The following TRAPPC9 variants were observed in gnomAD, a reference collection of about 807,000 sequenced individuals.
TRAPPC9 encodes the protein trafficking protein particle complex subunit 9, also known as IKK2 binding protein.
A neutral mutation model predicts 124.0 loss-of-function variants in TRAPPC9; 83 were observed. That is an observed-to-expected ratio of 0.67 (90% CI 0.56 to 0.80). The LOEUF (loss-of-function observed/expected upper bound fraction) is 0.80. Among genes scored for constraint, TRAPPC9 ranks in the 30% least tolerant of loss-of-function variants. The pLI is 0.00. For missense variants in TRAPPC9, 1,302 were observed against 1,508.3 expected, an observed-to-expected ratio of 0.86 and a Z score of 2.27; for synonymous variants, 638 against 617.5, an observed-to-expected ratio of 1.03 and a Z score of -0.49.
intron 4 of TRAPPC9, among the ~76,000 whole-genome samples, chr8:140,430,146 C>CAA (rs765983225): frequency 3.0e-5 from 3 of 100,426 alleles, no homozygotes; most frequent in African/African-American, 3.6e-5. Context: ...GACTCCATCC[C>CAA]AAAAAAAAAA....
At chr8:140,340,027 T>C (rs1368818820) in intron 9 of TRAPPC9, among the ~76,000 whole-genome samples, 1 of 152,122 alleles carries the variant, frequency 6.6e-6, no homozygotes, top group Non-Finnish European at 1.5e-5. Context: ...TTGTATTTCA[T>C]AGAGATAGGG....
intron 21 of TRAPPC9, among the ~76,000 whole-genome samples, chr8:139,835,412 C>T (rs969223126): frequency 7.2e-5 from 11 of 152,260 alleles, no homozygotes; most frequent in South Asian, 2.1e-4. Context: ...TCCTCGCCGC[C>T]GTCCAGCCTT....
At position 139,910,249 on chromosome 8, in the gene TRAPPC9, A is replaced by C. The variant is rs760691774; in HGVS notation, c.2862T>G (p.Pro954=). ...KFNFESFPES[P]GEKGQFANPK... ...GGTTTGCAAATTGCCCCTTCTCCCC[A>C]GGGGACTCCGGGAAACTCTCAAAGT... is the stretch of plus-strand genomic sequence containing the variant. The change falls in exon 20 of 23, where the codon CCT becomes CCG. Residue 954 remains proline (P), a synonymous_variant. Coordinates refer to ENST00000438773, the MANE Select transcript of TRAPPC9 (RefSeq NM_001160372.4). The C allele has an allele frequency of 6.2e-7, 1 of 1,614,118 alleles. No individual in the cohort carries two copies. Among genetic ancestry groups the C allele is most frequent in the South Asian group, 1.1e-5 (1 of 91,070 alleles).
intron 21 of TRAPPC9, among the ~76,000 whole-genome samples, chr8:139,738,996 C>G (rs76124046): frequency 0.01 from 1,554 of 152,320 alleles, 28 homozygotes; most frequent in African/African-American, 0.035. Flanking sequence ...CTGCCCGCCC[C>G]CAGCTTCTGA....
At chr8:140,283,152 C>T (rs186776689) in intron 14 of TRAPPC9, among the ~76,000 whole-genome samples, 1,745 of 151,704 alleles carry the variant, frequency 0.012, 14 homozygotes, top group Non-Finnish European at 0.017. Flanking sequence ...GTGGGAGGAT[C>T]GCTTGAACCT....
chr8:140,243,373 C>A (rs776756309), intron 16 of TRAPPC9, among the ~76,000 whole-genome samples: 10 of 152,138 alleles, frequency 6.6e-5, no homozygotes, highest in Non-Finnish European at 1.0e-4. Context: ...TGCCTGATGG[C>A]CTCTGTGGAT....
At chr8:140,173,309 C>T (rs1203524169) in intron 17 of TRAPPC9, among the ~76,000 whole-genome samples, 2 of 152,138 alleles carry the variant, frequency 1.3e-5, no homozygotes, top group East Asian at 3.9e-4. Context: ...AATCCCAACA[C>T]TTTGGGAGGC....
intron 11 of TRAPPC9, among the ~76,000 whole-genome samples, chr8:140,293,398 A>G (rs558761734): frequency 1.3e-5 from 2 of 152,144 alleles, no homozygotes; most frequent in East Asian, 3.9e-4. Flanking sequence ...TCATGCTGCT[A>G]TAAAGACACA....
intron 17 of TRAPPC9, among the ~76,000 whole-genome samples, chr8:140,112,682 G>A (rs752560380): frequency 2.0e-5 from 3 of 152,156 alleles, no homozygotes; most frequent in Non-Finnish European, 4.4e-5. Context: ...ATAACATCCT[G>A]TCAGATAGAA....
chr8:140,362,308 T>C (rs567453387), intron 8 of TRAPPC9, among the ~76,000 whole-genome samples: 1 of 152,268 alleles, frequency 6.6e-6, no homozygotes, highest in South Asian at 2.1e-4. Flanking sequence ...CATACAGCTA[T>C]GAAGGAGTAC....
intron 9 of TRAPPC9, among the ~76,000 whole-genome samples, chr8:140,355,595 A>G (rs1441032478): frequency 6.6e-6 from 1 of 152,244 alleles, no homozygotes; most frequent in Non-Finnish European, 1.5e-5. Flanking sequence ...AACTATCCTC[A>G]GGATTCCAGC....
At chr8:140,001,952 C>T (rs1389146151) in intron 18 of TRAPPC9, among the ~76,000 whole-genome samples, 1 of 152,276 alleles carries the variant, frequency 6.6e-6, no homozygotes, top group Admixed American at 6.5e-5. Context: ...ATAAATTAAA[C>T]ATATTGTTTT....
At chr8:139,748,668 T>A (rs1319388368) in intron 21 of TRAPPC9, among the ~76,000 whole-genome samples, 2 of 152,118 alleles carry the variant, frequency 1.3e-5, no homozygotes, top group Middle Eastern at 3.4e-3. Flanking sequence ...TGCCTGGGCA[T>A]CTGCCATTGG....
intron 17 of TRAPPC9, among the ~76,000 whole-genome samples, chr8:140,120,692 T>G (rs2060969036): frequency 6.7e-6 from 1 of 148,446 alleles, no homozygotes; most frequent in African/African-American, 2.5e-5. Context: ...CATCCATCCA[T>G]CCATCCAACA....
chr8:139,801,723 G>A (rs905780647), intron 21 of TRAPPC9, among the ~76,000 whole-genome samples: 1 of 152,208 alleles, frequency 6.6e-6, no homozygotes, highest in African/African-American at 2.4e-5. Context: ...CCAGGAATCC[G>A]CACGAACTCC....
intron 21 of TRAPPC9, among the ~76,000 whole-genome samples, chr8:139,792,155 A>T: frequency 6.6e-6 from 1 of 152,132 alleles, no homozygotes; most frequent in East Asian, 1.9e-4. Context: ...GGTAGAGAGC[A>T]CAGTCCCCCA....
At chr8:140,146,188 T>C (rs950260610) in intron 17 of TRAPPC9, among the ~76,000 whole-genome samples, 3 of 152,300 alleles carry the variant, frequency 2.0e-5, no homozygotes, top group Admixed American at 1.3e-4. Flanking sequence ...GTTATATATC[T>C]AAGGAATTTA....
intron 19 of TRAPPC9, chr8:139,933,529 T>C (rs1833329119): frequency 6.6e-6 from 1 of 152,368 alleles, no homozygotes; most frequent in South Asian, 2.1e-4. Flanking sequence ...GGCCAGCGTC[T>C]TGAGCCCTCG....
intron 9 of TRAPPC9, among the ~76,000 whole-genome samples, chr8:140,346,960 G>T (rs1449764288): frequency 1.3e-5 from 2 of 152,218 alleles, no homozygotes; most frequent in African/African-American, 4.8e-5. Context: ...AGCACATGGA[G>T]TGATGTCTGA....
Sources: gnomAD v4.1 joint callset for allele counts (sites outside exome capture counted in the v4.1 genomes callset) on GRCh38, gnomAD v4.1.1 for gene constraint, MANE v1.5 for transcripts, NCBI Gene and HGNC (gene_info 2026-07-23, HGNC 2026-07-21) for gene names.